The following MCHR2 variants were observed in gnomAD, a reference collection of about 807,000 sequenced individuals.
MCHR2 encodes melanin concentrating hormone receptor 2.
MCHR2 carries 15 observed loss-of-function variants against 24.8 expected under a neutral mutation model. The ratio of observed to expected loss-of-function variants is 0.60; its 90% CI spans 0.40 to 0.93. The LOEUF (loss-of-function observed/expected upper bound fraction) is 0.93. MCHR2 is among the 40% of genes least tolerant of loss of function. The pLI, the probability that MCHR2 is intolerant of heterozygous loss-of-function variation, is 0.00. For missense variants in MCHR2, 386 were observed against 408.7 expected (o/e 0.94, Z 0.48); for synonymous variants, 151 against 147.6 (o/e 1.02, Z -0.17).
intron 1 of MCHR2, among the ~76,000 whole-genome samples, chr6:99,976,888 C>T (rs1333285857): frequency 6.6e-6 from 1 of 152,242 alleles, no homozygotes; most frequent in Non-Finnish European, 1.5e-5. Flanking sequence ...TCTTGCCTCA[C>T]ACGCTTGCTG....
chr6:99,934,482 A>T lies in MCHR2; in HGVS notation c.623T>A (p.Phe208Tyr), dbSNP rs200957067. The T allele has an allele frequency of 5.7e-6, 9 of 1,574,494 alleles. No homozygotes were observed. Among genetic ancestry groups the T allele is most frequent in the African/African-American group, 1.4e-5 (1 of 72,948 alleles). Residue 208 changes from phenylalanine to tyrosine, a missense_variant, in exon 5 of 6, where the codon TTC becomes TAC. By Grantham distance (22) the Phe-to-Tyr change is conservative. Transcript: ENST00000281806. ...GCACACCAAAATCAAGGGTAGAGGGAAAAAAAAAGTTGTTATCGTCAAATA... is the reference window on the plus strand; with the variant it reads ...GCACACCAAAATCAAGGGTAGAGGGTAAAAAAAAGTTGTTATCGTCAAATA... ...TLYLTITTFF[F>Y]PLPLILVCYI... is the part of the protein sequence containing the mutation.
chr6:99,986,353 A>G (rs1775768452), intron 1 of MCHR2, among the ~76,000 whole-genome samples: 1 of 152,170 alleles, frequency 6.6e-6, no homozygotes, highest in Non-Finnish European at 1.5e-5. Context: ...TCATGTATCA[A>G]AAAGACTCCT....
At chr6:99,924,646 T>C (rs953332655) in intron 5 of MCHR2, among the ~76,000 whole-genome samples, 2 of 152,144 alleles carry the variant, frequency 1.3e-5, no homozygotes, top group Non-Finnish European at 2.9e-5. Context: ...TTCCTTAATT[T>C]CTTCTTTGAC....
At chr6:99,931,652 T>C (rs1326137483) in intron 5 of MCHR2, among the ~76,000 whole-genome samples, 1 of 152,146 alleles carries the variant, frequency 6.6e-6, no homozygotes. Flanking sequence ...ATGTGCAGGA[T>C]ATAATCTCCT....
chr6:99,962,784 A>G (rs1168207327), intron 1 of MCHR2, among the ~76,000 whole-genome samples: 1 of 152,148 alleles, frequency 6.6e-6, no homozygotes, highest in African/African-American at 2.4e-5. Flanking sequence ...ACAGCAAAGG[A>G]AACAACAGAG....
chr6:99,942,726 C>T (rs945726264), intron 4 of MCHR2, among the ~76,000 whole-genome samples: 7 of 152,002 alleles, frequency 4.6e-5, no homozygotes, highest in Non-Finnish European at 7.4e-5. Flanking sequence ...TATTTGTGTC[C>T]ACTGAGGTTA....
chr6:99,953,572 C>CT (rs1231473781), intron 2 of MCHR2, among the ~76,000 whole-genome samples: 1 of 152,018 alleles, frequency 6.6e-6, no homozygotes, highest in Non-Finnish European at 1.5e-5. Flanking sequence ...TCTGAGCCAT[C>CT]TTTTTTCCCC....
At chr6:99,965,883 A>G (rs978065903) in intron 1 of MCHR2, among the ~76,000 whole-genome samples, 2 of 152,200 alleles carry the variant, frequency 1.3e-5, no homozygotes, top group East Asian at 3.8e-4. Flanking sequence ...ATCTACAGGA[A>G]GATAGCTCGC....
At chr6:99,945,458 C>T (rs1774857520) in intron 3 of MCHR2, among the ~76,000 whole-genome samples, 1 of 152,066 alleles carries the variant, frequency 6.6e-6, no homozygotes, top group Non-Finnish European at 1.5e-5. Flanking sequence ...GAGGTAGAAG[C>T]CCACTACTAA....
Position 99,947,936 on chromosome 6 carries a change from C to T in MCHR2, c.218G>A (p.Cys73Tyr). ...GACCAAATCAGCCACAGCCAGGTTG[C>T]AGATATAGATGTCAGGGACTGTTTT... is the stretch of plus-strand genomic sequence containing the variant. ...RKKTVPDIYI[C>Y]NLAVADLVHI... The change falls in exon 3 of 6, where the codon TGC (cysteine) becomes TAC (tyrosine). Residue 73 changes from cysteine to tyrosine, a missense_variant. Cys to Tyr is a radical substitution (Grantham distance 194). Coordinates refer to ENST00000281806, the MANE Select transcript of MCHR2 (RefSeq NM_001040179.2). The T allele has an allele frequency of 1.2e-6, 2 of 1,613,602 alleles. No homozygotes were observed. The highest frequency in any genetic ancestry group is 1.7e-6 in the Non-Finnish European group (2 of 1,179,736).
intron 1 of MCHR2, among the ~76,000 whole-genome samples, chr6:99,967,272 T>A (rs1235165357): frequency 6.6e-6 from 1 of 152,088 alleles, no homozygotes; most frequent in Non-Finnish European, 1.5e-5. Flanking sequence ...GACATCTTCA[T>A]ACATACACAA....
chr6:99,958,809 C>T (rs1775120889), intron 1 of MCHR2, among the ~76,000 whole-genome samples: 1 of 152,154 alleles, frequency 6.6e-6, no homozygotes, highest in African/African-American at 2.4e-5. Context: ...TCTGGCTTCT[C>T]CCTGGGGAGA....
chr6:99,957,024 T>G (rs1000080935), intron 1 of MCHR2, among the ~76,000 whole-genome samples: 1 of 151,982 alleles, frequency 6.6e-6, no homozygotes, highest in African/African-American at 2.4e-5. Context: ...ACTCAAGGTC[T>G]GAAAAATCAG....
chr6:99,942,917 CA>C, intron 4 of MCHR2, 31 bp downstream of exon 4: 1 of 1,555,768 alleles, frequency 6.4e-7, no homozygotes, highest in Non-Finnish European at 8.7e-7. Flanking sequence ...CAACTTAATT[CA>C]ACTCGTTTTT....
At chr6:99,970,245 G>T (rs1209854790) in intron 1 of MCHR2, among the ~76,000 whole-genome samples, 1 of 151,812 alleles carries the variant, frequency 6.6e-6, no homozygotes, top group Non-Finnish European at 1.5e-5. Flanking sequence ...TTTTAATGAT[G>T]GCCATTCAAA....
rs374378949 is a variant in MCHR2 at position 99,921,108 on chromosome 6, A to C, written c.855T>G (p.Tyr285Ter). 1 of 1,614,096 alleles carries C rather than the reference A, an allele frequency of 6.2e-7. No individual in the cohort carries two copies. ...LQMEQPTLAF[Y>*]VGYYLSICLS... ...GACAGATGGAGAGGTAATAACCCAC[A>C]TAGAAGGCCAGTGTGGGCTGTTCCA... The change falls in exon 6 of 6, where the codon TAT becomes TAG. Residue 285 changes from tyrosine to a stop codon, truncating the protein, a stop_gained. Transcript: ENST00000281806. LOFTEE classifies it low-confidence loss of function (END_TRUNC).
chr6:99,956,308 G>A (rs368103461), intron 1 of MCHR2, 134 bp from the exon 2 acceptor site: 14 of 596,460 alleles, frequency 2.3e-5, no homozygotes, highest in African/African-American at 2.3e-4. Context: ...CCCAGGGTGA[G>A]TATGATTGGT....
chr6:99,983,866 T>A (rs2114591740), intron 1 of MCHR2, among the ~76,000 whole-genome samples: 1 of 152,378 alleles, frequency 6.6e-6, no homozygotes, highest in African/African-American at 2.4e-5. Context: ...TAAGCCAATT[T>A]GAAGTTATTT....
intron 5 of MCHR2, among the ~76,000 whole-genome samples, chr6:99,929,982 G>C (rs376145948): frequency 5.3e-5 from 8 of 150,278 alleles, no homozygotes; most frequent in Non-Finnish European, 1.0e-4. Flanking sequence ...GGTACCGGTT[G>C]TTCCTTTCCA....
Sources: allele counts gnomAD v4.1 joint callset (sites outside exome capture counted in the v4.1 genomes callset), GRCh38; gene constraint gnomAD v4.1.1; transcripts MANE v1.5; gene names NCBI Gene and HGNC (gene_info 2026-07-23, HGNC 2026-07-21).